PSMA1: variants seen among roughly 807,000 people sequenced by gnomAD.
PSMA1 encodes the protein proteasome 20S subunit alpha 1.
PSMA1 carries 3 observed loss-of-function variants against 38.4 expected under a neutral mutation model. The ratio of observed to expected loss-of-function variants is 0.08; its 90% CI spans 0.04 to 0.20. The LOEUF (loss-of-function observed/expected upper bound fraction) is 0.20, where lower values mean the gene tolerates loss of function less well. Ranked by LOEUF, PSMA1 falls within the 10% of genes least tolerant of loss-of-function variation. The pLI is 1.00. For missense variants in PSMA1, 227 were observed against 325.3 expected, an observed-to-expected ratio of 0.70 and a Z score of 2.32; for synonymous variants, 101 against 107.1, an observed-to-expected ratio of 0.94 and a Z score of 0.35.
intron 1 of PSMA1, among the ~76,000 whole-genome samples, chr11:14,612,637 C>T (rs865962293): frequency 3.9e-5 from 6 of 152,212 alleles, no homozygotes; most frequent in South Asian, 4.1e-4. Flanking sequence ...ATAGACTGTA[C>T]CCTCTAGGAA....
In PSMA1 at chr11:14,514,392, A is replaced by G; in HGVS notation, c.343+11T>C. ...AGTTCATATCCATAAATGCTAACAT[A>G]AAAAGGATACTGCTTCCAATTAGAG... On this transcript the variant is annotated intron_variant, in intron 5 of 9. Coordinates refer to ENST00000396394, the MANE Select transcript of PSMA1 (RefSeq NM_002786.4). 1 of 1,597,188 alleles carries G rather than the reference A, an allele frequency of 6.3e-7. No homozygotes were observed. Among genetic ancestry groups the G allele is most frequent in the Non-Finnish European group, 8.5e-7 (1 of 1,169,840 alleles).
rs1851686671 is a variant in PSMA1 at position 14,534,925 on chromosome 11, A to G, written c.22-15884T>C. On this transcript the variant is annotated intron_variant, in intron 2 of 10. Coordinates refer to the PSMA1 transcript ENST00000418988. This position sits in a 1 kb window ranked among gnomAD's most constrained non-coding sequence, Gnocchi z 4.5. ...ACCCCGTCTCTACTAAAAATACAAA[A>G]TTAGCGGGCATGGTGGCAGACGCCT... is the stretch of plus-strand genomic sequence containing the variant. Among the ~76,000 whole-genome samples the G allele has an allele frequency of 6.6e-6, 1 of 152,028 alleles. No individual in the cohort carries two copies. The highest frequency in any genetic ancestry group is 2.4e-5 in the African/African-American group (1 of 41,410).
intron 2 of PSMA1, among the ~76,000 whole-genome samples, chr11:14,571,040 G>A (rs941041802): frequency 1.3e-5 from 2 of 152,110 alleles, no homozygotes; most frequent in Non-Finnish European, 2.9e-5. Flanking sequence ...GAAGAGAGTG[G>A]GGGCCAATAG....
intron 2 of PSMA1, among the ~76,000 whole-genome samples, chr11:14,577,757 C>G (rs138829902): frequency 1.2e-4 from 19 of 152,166 alleles, no homozygotes; most frequent in Middle Eastern, 6.8e-3. Context: ...GGTGGCAAAG[C>G]CAGAATTTGA....
At chr11:14,579,070 A>C (rs1852252261) in intron 2 of PSMA1, among the ~76,000 whole-genome samples, 1 of 152,220 alleles carries the variant, frequency 6.6e-6, no homozygotes, top group Non-Finnish European at 1.5e-5. Flanking sequence ...ACACTTTGGA[A>C]ACTGTCTCCT....
chr11:14,505,296 C>A, intron 9 of PSMA1, 48 bp from the exon 10 acceptor site: 1 of 1,392,408 alleles, frequency 7.2e-7, no homozygotes, highest in South Asian at 1.2e-5. Flanking sequence ...AACACTTGAT[C>A]AATATACACA....
intron 2 of PSMA1, among the ~76,000 whole-genome samples, chr11:14,568,383 T>C (rs889544621): frequency 1.3e-5 from 2 of 152,200 alleles, no homozygotes; most frequent in African/African-American, 4.8e-5. Flanking sequence ...AACAGGTATG[T>C]GAAACAACTG....
intron 1 of PSMA1, among the ~76,000 whole-genome samples, chr11:14,633,351 C>G (rs1266220985): frequency 1.3e-5 from 2 of 152,144 alleles, no homozygotes; most frequent in African/African-American, 4.8e-5. Flanking sequence ...AGCTTTCCTT[C>G]TAACAGACAG....
At chr11:14,640,139 A>C (rs905607953) in intron 1 of PSMA1, among the ~76,000 whole-genome samples, 5 of 152,206 alleles carry the variant, frequency 3.3e-5, no homozygotes, top group African/African-American at 7.2e-5. Flanking sequence ...GGTACGTAGG[A>C]GAAGTAAAAG....
In PSMA1 at chr11:14,635,063, G is replaced by T. The variant is rs1337813563; in HGVS notation, c.-166+8392C>A. Among the ~76,000 whole-genome samples the T allele has an allele frequency of 5.3e-5, 8 of 152,176 alleles. No homozygotes were observed. The East Asian group carries it at 1.2e-3, about 22-fold the overall frequency. On this transcript the variant is annotated intron_variant, in intron 1 of 10. Coordinates refer to the PSMA1 transcript ENST00000418988. ...AACCTCATGGTTTCCTGGTTGGCTG[G>T]TATTTGTTTAAAGAGAGTGGCTTGC... is the stretch of plus-strand genomic sequence containing the variant.
chr11:14,562,361 T>A (rs1313093165), intron 2 of PSMA1, among the ~76,000 whole-genome samples: 1 of 152,254 alleles, frequency 6.6e-6, no homozygotes, highest in Non-Finnish European at 1.5e-5. Context: ...GAGGTCTCTG[T>A]GTCTTGCAAA....
chr11:14,563,383 G>A (rs1228010672), intron 2 of PSMA1, among the ~76,000 whole-genome samples: 1 of 152,108 alleles, frequency 6.6e-6, no homozygotes, highest in Non-Finnish European at 1.5e-5. Context: ...TTTCCTCTAC[G>A]AATAAGCAGA....
chr11:14,529,449 A>G (rs1851622341), intron 2 of PSMA1, among the ~76,000 whole-genome samples: 1 of 152,116 alleles, frequency 6.6e-6, no homozygotes, highest in South Asian at 2.1e-4. Context: ...CTTCCCTTCT[A>G]TGTCCCTGTC....
intron 4 of PSMA1, among the ~76,000 whole-genome samples, chr11:14,516,027 T>C (rs1851420385): frequency 6.6e-6 from 1 of 151,278 alleles, no homozygotes. Flanking sequence ...CTGGCCAATA[T>C]GGTGAAACCT....
intron 7 of PSMA1, among the ~76,000 whole-genome samples, chr11:14,512,731 T>C (rs544750117): frequency 6.6e-6 from 1 of 152,346 alleles, no homozygotes; most frequent in Non-Finnish European, 1.5e-5. Flanking sequence ...CTATGTACTG[T>C]TATTTTATTG....
chr11:14,620,265 G>C (rs1046731793), intron 1 of PSMA1, among the ~76,000 whole-genome samples: 1 of 152,166 alleles, frequency 6.6e-6, no homozygotes, highest in African/African-American at 2.4e-5. Flanking sequence ...TCATGAAACA[G>C]ATCCAGGCTA....
chr11:14,592,376 CTATATATATA>C (rs71044013), intron 2 of PSMA1, among the ~76,000 whole-genome samples: 4 of 122,378 alleles, frequency 3.3e-5, no homozygotes, highest in African/African-American at 9.8e-5. Context: ...CTCTCTCTCT[CTATATATATA>C]TATATATATT....
At position 14,514,588 on chromosome 11, in the gene PSMA1, A is replaced by T. The variant is rs2134146791; in HGVS notation, c.255-97T>A. The T allele has an allele frequency of 4.4e-6, 4 of 914,736 alleles. No individual in the cohort carries two copies. The South Asian group carries it at 9.6e-5, about 22-fold the overall frequency. The allele number at this position is 914,736 out of a possible 1,614,324, so 56.7% of individuals were successfully genotyped here. ...TCACTTCAAATTCTTCCAAGCGTTT[A>T]CATGGATAACATCCATATAAGAAAA... On this transcript the variant is annotated intron_variant, in intron 4 of 9. Coordinates refer to ENST00000396394, the MANE Select transcript of PSMA1 (RefSeq NM_002786.4).
At chr11:14,588,442 A>T (rs1852374556) in intron 2 of PSMA1, among the ~76,000 whole-genome samples, 1 of 152,198 alleles carries the variant, frequency 6.6e-6, no homozygotes, top group Non-Finnish European at 1.5e-5. Flanking sequence ...AAGTAAAAAA[A>T]CAATGCAAAT....
Sources: allele counts gnomAD v4.1 joint callset (sites outside exome capture counted in the v4.1 genomes callset), GRCh38; gene constraint gnomAD v4.1.1; non-coding constraint Gnocchi (gnomAD v3.1); transcripts MANE v1.5; gene names NCBI Gene and HGNC (gene_info 2026-07-23, HGNC 2026-07-21).